The following COMMD10 variants were observed in gnomAD, a reference collection of about 807,000 sequenced individuals.
COMMD10 encodes the protein COMM domain-containing protein 10.
Under a neutral mutation model 28.9 loss-of-function variants are expected in COMMD10, and 33 were observed. That is an observed-to-expected ratio of 1.14 (90% CI 0.87 to 1.53). The LOEUF (loss-of-function observed/expected upper bound fraction) is 1.53. Among genes scored for constraint, COMMD10 ranks in the 40% most tolerant of loss-of-function variants. The pLI is 0.00. For missense variants in COMMD10, 310 were observed against 233.4 expected (o/e 1.33, Z -2.14); for synonymous variants, 110 against 81.7 (o/e 1.35, Z -1.87).
intron 2 of COMMD10, 119 bp downstream of exon 2, chr5:116,087,706 G>T: frequency 1.5e-6 from 1 of 660,932 alleles, no homozygotes; most frequent in Non-Finnish European, 2.7e-6. Flanking sequence ...AGAGACACTG[G>T]TTCTGTGGAA....
intron 5 of COMMD10, among the ~76,000 whole-genome samples, chr5:116,232,941 A>G (rs1387099813): frequency 6.6e-6 from 1 of 152,194 alleles, no homozygotes; most frequent in African/African-American, 2.4e-5. Context: ...AGGCAGTCTG[A>G]TTGTAATTCT....
intron 5 of COMMD10, among the ~76,000 whole-genome samples, chr5:116,222,974 G>C (rs1749302501): frequency 6.6e-6 from 1 of 152,188 alleles, no homozygotes; most frequent in Non-Finnish European, 1.5e-5. Flanking sequence ...ACAAGTGTGA[G>C]CCACTGCGCT....
chr5:116,269,280 G>T (rs1180484418), intron 5 of COMMD10, among the ~76,000 whole-genome samples: 1 of 151,654 alleles, frequency 6.6e-6, no homozygotes, highest in Non-Finnish European at 1.5e-5. Flanking sequence ...AGTATTTCTA[G>T]AGGAAAGATT....
intron 5 of COMMD10, among the ~76,000 whole-genome samples, chr5:116,237,926 G>T (rs929180777): frequency 2.0e-5 from 3 of 151,652 alleles, no homozygotes; most frequent in African/African-American, 7.3e-5. Flanking sequence ...TCAGAATGTC[G>T]TCGTTTCAAA....
chr5:116,221,333 G>A lies in COMMD10; in HGVS notation c.511-70184G>A, dbSNP rs568559034. Among the ~76,000 whole-genome samples the A allele has an allele frequency of 3.9e-5, 6 of 152,208 alleles. No individual in the cohort carries two copies. The South Asian group carries it at 6.2e-4, about 16-fold the overall frequency. On this transcript the variant is annotated intron_variant, in intron 5 of 6. Coordinates refer to ENST00000274458, the MANE Select transcript of COMMD10 (RefSeq NM_016144.4). ...GAACTCCTCTGGGAGATGGATTTGA[G>A]GGTCTCCTCCCATCTCCTTTCTCAG...
At position 116,131,980 on chromosome 5, in the gene COMMD10, G is replaced by C. The variant is rs1751877367; in HGVS notation, c.400-2088G>C. ...GGAAAGGTTGTTATCCCATCCTGAG[G>C]GGTTTTGTATATAGAGTTTGGATTT... On this transcript the variant is annotated intron_variant, in intron 4 of 6. Transcript: ENST00000274458. Among the ~76,000 whole-genome samples the C allele has an allele frequency of 3.3e-5, 5 of 151,892 alleles. No homozygotes were observed. The South Asian group carries it at 8.3e-4, about 25-fold the overall frequency.
intron 5 of COMMD10, among the ~76,000 whole-genome samples, chr5:116,166,148 C>T (rs1307440400): frequency 4.5e-5 from 3 of 67,374 alleles, no homozygotes; most frequent in South Asian, 3.9e-4. Flanking sequence ...GAGTCCATTT[C>T]TCTGTCAAAT....
chr5:116,283,577 C>A (rs1751133287), intron 5 of COMMD10, among the ~76,000 whole-genome samples: 1 of 151,544 alleles, frequency 6.6e-6, no homozygotes, highest in Non-Finnish European at 1.5e-5. Context: ...GAACTCCTGA[C>A]CTCAGGTGAT....
intron 5 of COMMD10, among the ~76,000 whole-genome samples, chr5:116,172,654 T>C (rs989626552): frequency 3.9e-5 from 6 of 152,150 alleles, no homozygotes; most frequent in African/African-American, 1.2e-4. Flanking sequence ...TTTTGTGTTA[T>C]AAAGTCATAC....
At chr5:116,106,340 C>T (rs753806040) in intron 4 of COMMD10, among the ~76,000 whole-genome samples, 14 of 152,044 alleles carry the variant, frequency 9.2e-5, no homozygotes, top group Non-Finnish European at 2.9e-5. Flanking sequence ...GCAGTGTGGT[C>T]CGACAGAGTG....
chr5:116,224,575 C>A (rs998725366), intron 5 of COMMD10, among the ~76,000 whole-genome samples: 1 of 152,028 alleles, frequency 6.6e-6, no homozygotes, highest in East Asian at 1.9e-4. Flanking sequence ...GCCGCGGTGC[C>A]GCACTCTTTT....
At chr5:116,273,061 A>C (rs1750801439) in intron 5 of COMMD10, among the ~76,000 whole-genome samples, 1 of 151,874 alleles carries the variant, frequency 6.6e-6, no homozygotes, top group South Asian at 2.1e-4. Flanking sequence ...CATTTCACCC[A>C]CAATTCATCT....
intron 5 of COMMD10, among the ~76,000 whole-genome samples, chr5:116,135,409 C>T (rs1580477179): frequency 6.6e-6 from 1 of 152,166 alleles, no homozygotes; most frequent in African/African-American, 2.4e-5. Flanking sequence ...TTGAGTCTTA[C>T]ATATAATGTA....
In COMMD10 at chr5:116,134,873, A is replaced by G. The variant is rs573204904; in HGVS notation, c.510+695A>G. ...CCTGACCTTGTGATCCACCCCCCTC[A>G]GCCTCCCAAAGTGCTGGGATTACAG... On this transcript the variant is annotated intron_variant, in intron 5 of 6. Transcript: ENST00000274458. Among the ~76,000 whole-genome samples, 766 of 152,178 alleles carry G rather than the reference A, an allele frequency of 5.0e-3. 6 individuals carry two copies. The highest frequency in any genetic ancestry group is 0.018 in the African/African-American group (737 of 41,502).
At chr5:116,090,827 A>C (rs920888082) in intron 2 of COMMD10, among the ~76,000 whole-genome samples, 1 of 152,230 alleles carries the variant, frequency 6.6e-6, no homozygotes, top group Non-Finnish European at 1.5e-5. Flanking sequence ...GCCCCTTAGC[A>C]CAGGGCTCTG....
At chr5:116,187,148 T>G (rs895295647) in intron 5 of COMMD10, among the ~76,000 whole-genome samples, 3 of 152,102 alleles carry the variant, frequency 2.0e-5, no homozygotes, top group African/African-American at 7.2e-5. Context: ...ATACATGTGT[T>G]CAAAAGAGAC....
chr5:116,284,324 GTA>G (rs1360394227), intron 5 of COMMD10, among the ~76,000 whole-genome samples: 3 of 146,826 alleles, frequency 2.0e-5, no homozygotes, highest in Non-Finnish European at 3.0e-5. Flanking sequence ...CTAAAGGATT[GTA>G]TGTGTGTGTG....
At chr5:116,115,434 C>A (rs1751200295) in intron 4 of COMMD10, among the ~76,000 whole-genome samples, 1 of 152,176 alleles carries the variant, frequency 6.6e-6, no homozygotes, top group Non-Finnish European at 1.5e-5. Flanking sequence ...TGTCTTGGAA[C>A]ACTTACATTA....
intron 5 of COMMD10, among the ~76,000 whole-genome samples, chr5:116,289,696 T>C (rs1561411046): frequency 6.6e-6 from 1 of 151,878 alleles, no homozygotes; most frequent in African/African-American, 2.4e-5. Flanking sequence ...TCTTGGTTGC[T>C]CCGCTATTCC....
Sources: allele counts gnomAD v4.1 joint callset (sites outside exome capture counted in the v4.1 genomes callset), GRCh38; gene constraint gnomAD v4.1.1; transcripts MANE v1.5; gene names NCBI Gene and HGNC (gene_info 2026-07-23, HGNC 2026-07-21).